IL1RN: variants seen among roughly 807,000 people sequenced by gnomAD.
The protein encoded by IL1RN is interleukin-1 receptor antagonist protein.
In IL1RN, 10 loss-of-function variants were observed where a neutral mutation model predicts 13.7. The ratio of observed to expected loss-of-function variants is 0.73; its 90% CI spans 0.45 to 1.24. The LOEUF (loss-of-function observed/expected upper bound fraction) is 1.24. Among genes scored for constraint, IL1RN ranks in the 50% most tolerant of loss-of-function variants. The pLI is 0.00. For missense variants in IL1RN, 213 were observed against 222.1 expected, an observed-to-expected ratio of 0.96 and a Z score of 0.26; for synonymous variants, 102 against 82.7, an observed-to-expected ratio of 1.23 and a Z score of -1.27.
At chr2:113,127,062 T>C (rs1686986480), upstream of IL1RN, among the ~76,000 whole-genome samples, 1 of 152,228 alleles carries the variant, frequency 6.6e-6, no homozygotes, top group Non-Finnish European at 1.5e-5. Context: ...CAACGTCCTT[T>C]TGTGAAACAG....
At chr2:113,112,632 G>T (rs899544088) in intron 1 of IL1RN, among the ~76,000 whole-genome samples, 2 of 152,102 alleles carry the variant, frequency 1.3e-5, no homozygotes, top group Non-Finnish European at 2.9e-5. Flanking sequence ...TTACTTTGGG[G>T]CTTCTCACCG....
chr2:113,131,130 T>C lies in IL1RN; in HGVS notation c.291T>C (p.Ser97=). Residue 97 remains serine (S), a synonymous_variant, in exon 3 of 4, where the codon TCT becomes TCC. Coordinates refer to ENST00000409930, the MANE Select transcript of IL1RN (RefSeq NM_173842.3). ...GGKMCLSCVK[S]GDETRLQLEA... ...AGATGTGCCTGTCCTGTGTCAAGTCTGGTGATGAGACCAGACTCCAGCTGG... is the reference window on the plus strand; with the variant it reads ...AGATGTGCCTGTCCTGTGTCAAGTCCGGTGATGAGACCAGACTCCAGCTGG... The C allele has an allele frequency of 6.2e-7, 1 of 1,612,058 alleles. No homozygotes were observed. Among genetic ancestry groups the C allele is most frequent in the Non-Finnish European group, 8.5e-7 (1 of 1,178,062 alleles).
upstream of IL1RN, among the ~76,000 whole-genome samples, chr2:113,114,069 T>C (rs1281517576): frequency 6.6e-6 from 1 of 152,172 alleles, no homozygotes; most frequent in Non-Finnish European, 1.5e-5. Context: ...TTGGCTGTAA[T>C]GGGGAATTTG....
chr2:113,123,081 C>T (rs1040322346), upstream of IL1RN, among the ~76,000 whole-genome samples: 1 of 152,146 alleles, frequency 6.6e-6, no homozygotes, highest in Non-Finnish European at 1.5e-5. Context: ...GCCTAGATTG[C>T]TCCACTGCAC....
At chr2:113,113,177 CA>C (rs1686529834), upstream of IL1RN, 1 of 152,256 alleles carries the variant, frequency 6.6e-6, no homozygotes, top group African/African-American at 2.4e-5. Flanking sequence ...ACCTAAATGT[CA>C]ACTGGTGGAT....
upstream of IL1RN, among the ~76,000 whole-genome samples, chr2:113,122,916 G>A (rs4251993): frequency 0.18 from 27,181 of 152,060 alleles, 3,095 homozygotes; most frequent in East Asian, 0.58. Flanking sequence ...ACCTGAGGTC[G>A]GGAGTTCGAG....
At chr2:113,116,347 C>T (rs1012999165), upstream of IL1RN, among the ~76,000 whole-genome samples, 2 of 152,240 alleles carry the variant, frequency 1.3e-5, no homozygotes, top group Non-Finnish European at 1.5e-5. Flanking sequence ...ATTCTTTAGT[C>T]AGCAGGAATT....
chr2:113,132,597 G>A lies in IL1RN; in HGVS notation c.319-59G>A, dbSNP rs1353691325. 14 of 1,469,292 alleles carry A rather than the reference G, an allele frequency of 9.5e-6. No homozygotes were observed. The East Asian group carries it at 1.1e-4, about 12-fold the overall frequency. 91.0% of individuals were successfully genotyped at this position (1,469,292 alleles called of 1,614,324 possible). A position where few individuals can be genotyped will look rare whatever the true frequency, so the allele number is the denominator to read the frequency against. ...CCATTTCATGGCGTGGAGTGGAGAG[G>A]GAGGCAGCACAGGACTTCCTAGGCC... is the stretch of plus-strand genomic sequence containing the variant. On this transcript the variant is annotated intron_variant, in intron 3 of 3. Transcript: ENST00000409930.
chr2:113,132,537 A>G (rs577383987), intron 3 of IL1RN, 119 bp from the exon 4 acceptor site: 2 of 885,428 alleles, frequency 2.3e-6, no homozygotes, highest in African/African-American at 3.3e-5. Context: ...AGGGTATGGC[A>G]TTTCCCCTGT....
upstream of IL1RN, among the ~76,000 whole-genome samples, chr2:113,106,722 A>G (rs1057087100): frequency 6.6e-6 from 1 of 152,218 alleles, no homozygotes; most frequent in East Asian, 1.9e-4. Context: ...AAGTGGTCCC[A>G]GTGATGTGGG....
At chr2:113,114,400 C>G (rs760920823), upstream of IL1RN, among the ~76,000 whole-genome samples, 1 of 30,382 alleles carries the variant, frequency 3.3e-5, no homozygotes, top group Admixed American at 2.7e-4. Context: ...TAGTTTGAGG[C>G]AGCTGCCCAC....
the IL1RN span, among the ~76,000 whole-genome samples, chr2:113,099,757 C>T: frequency 8.1e-5 from 4 of 49,662 alleles, no homozygotes; most frequent in South Asian, 8.4e-4. Flanking sequence ...TTTTTTGAGA[C>T]GGAGTCTCGC....
chr2:113,102,228 A>G (rs187265348), upstream of IL1RN, among the ~76,000 whole-genome samples: 56 of 152,280 alleles, frequency 3.7e-4, 1 homozygote, highest in Non-Finnish European at 4.4e-5. Context: ...GCAGACAGCT[A>G]CCTTCTCACT....
At chr2:113,108,640 A>G (rs1308967493), upstream of IL1RN, among the ~76,000 whole-genome samples, 1 of 152,192 alleles carries the variant, frequency 6.6e-6, no homozygotes, top group African/African-American at 2.4e-5. Context: ...ACATAGTCAC[A>G]GGCCCAAGGG....
upstream of IL1RN, among the ~76,000 whole-genome samples, chr2:113,110,757 G>T (rs1275965078): frequency 6.6e-6 from 1 of 152,198 alleles, no homozygotes; most frequent in Admixed American, 6.5e-5. Flanking sequence ...TAAAGCACCT[G>T]GCATAGTGCC....
chr2:113,128,593 C>G (rs1438165313), intron 1 of IL1RN, among the ~76,000 whole-genome samples: 1 of 152,034 alleles, frequency 6.6e-6, no homozygotes, highest in African/African-American at 2.4e-5. Flanking sequence ...CCTGGAGGCC[C>G]CAGCAGGTGA....
At chr2:113,119,275 T>C (rs1471301891) in intron 1 of IL1RN, among the ~76,000 whole-genome samples, 1 of 152,212 alleles carries the variant, frequency 6.6e-6, no homozygotes, top group Non-Finnish European at 1.5e-5. Flanking sequence ...TTTATCCCAC[T>C]GAACCCTCTC....
chr2:113,119,435 C>T (rs1686692703), intron 1 of IL1RN, among the ~76,000 whole-genome samples: 1 of 152,202 alleles, frequency 6.6e-6, no homozygotes. Context: ...AACCACTACA[C>T]TATGCTATGG....
chr2:113,119,882 G>A (rs1297462438), intron 1 of IL1RN, among the ~76,000 whole-genome samples: 1 of 152,132 alleles, frequency 6.6e-6, no homozygotes, highest in Non-Finnish European at 1.5e-5. Flanking sequence ...ACAGAACAGG[G>A]TGCCAAGAAG....
Sources: allele counts gnomAD v4.1 joint callset (sites outside exome capture counted in the v4.1 genomes callset), GRCh38; gene constraint gnomAD v4.1.1; transcripts MANE v1.5; gene names NCBI Gene and HGNC (gene_info 2026-07-23, HGNC 2026-07-21).